The following ALK variants were observed in gnomAD, a reference collection of about 807,000 sequenced individuals.
ALK encodes ALK tyrosine kinase receptor.
In ALK, 74 loss-of-function variants were observed where a neutral mutation model predicts 163.1. The observed-to-expected ratio is 0.45, with a 90% CI of 0.38 to 0.55. The LOEUF is 0.55. Ranked by LOEUF, ALK falls within the 20% of genes least tolerant of loss-of-function variation. The probability of loss-of-function intolerance (pLI) is 0.00; values close to 1 mark genes in which losing one functional copy is unlikely to be tolerated. For missense variants in ALK, 2,063 were observed against 2,105.3 expected (o/e 0.98, Z 0.39); for synonymous variants, 960 against 843.2 (o/e 1.14, Z -2.40).
chr2:29,629,528 A>G (rs1391572606), intron 3 of ALK, among the ~76,000 whole-genome samples: 1 of 152,218 alleles, frequency 6.6e-6, no homozygotes, highest in Non-Finnish European at 1.5e-5. Flanking sequence ...GTTTAGAGGA[A>G]AATCTTGAAT....
chr2:29,350,031 A>G (rs745960856), intron 5 of ALK, among the ~76,000 whole-genome samples: 4 of 152,210 alleles, frequency 2.6e-5, no homozygotes, highest in Non-Finnish European at 4.4e-5. Context: ...AGCAAGAACC[A>G]TCTCTAGCAA....
At chr2:29,875,980 G>C (rs1302115645) in intron 1 of ALK, among the ~76,000 whole-genome samples, 1 of 152,094 alleles carries the variant, frequency 6.6e-6, no homozygotes, top group African/African-American at 2.4e-5. Context: ...GGTGTTTCTG[G>C]TTTCCCTGGC....
At chr2:29,830,949 AGAAGAAAAG>A (rs1665362173) in intron 1 of ALK, among the ~76,000 whole-genome samples, 1 of 50,584 alleles carries the variant, frequency 2.0e-5, no homozygotes, top group African/African-American at 6.6e-5. Context: ...GAAGAAAAGA[AGAAGAAAAG>A]AAGAAGAAGA....
At chr2:29,701,032 G>A (rs2631963) in intron 2 of ALK, among the ~76,000 whole-genome samples, 99,882 of 152,056 alleles carry the variant, frequency 0.66, 35,222 homozygotes, top group Non-Finnish European at 0.79. Context: ...CCATGTACCA[G>A]GCCGAGACAC....
chr2:29,861,791 A>G (rs1311681805), intron 1 of ALK, among the ~76,000 whole-genome samples: 1 of 152,182 alleles, frequency 6.6e-6, no homozygotes, highest in African/African-American at 2.4e-5. Flanking sequence ...ATGAGGCAAA[A>G]TTACCCTGAT....
intron 1 of ALK, among the ~76,000 whole-genome samples, chr2:29,857,170 A>G (rs1249455956): frequency 2.0e-5 from 3 of 152,198 alleles, no homozygotes; most frequent in Admixed American, 1.3e-4. Context: ...GGCAGGTGAC[A>G]CTAAGTTTTT....
intron 5 of ALK, among the ~76,000 whole-genome samples, chr2:29,362,703 T>C (rs1339212246): frequency 6.6e-6 from 1 of 152,226 alleles, no homozygotes; most frequent in Admixed American, 6.5e-5. Context: ...CACTATATTG[T>C]AGTCCCTTCT....
At chr2:29,770,668 A>T (rs1023957047) in intron 1 of ALK, among the ~76,000 whole-genome samples, 1 of 152,242 alleles carries the variant, frequency 6.6e-6, no homozygotes, top group Non-Finnish European at 1.5e-5. Context: ...AAAAATTATG[A>T]TAGCAAAACA....
intron 4 of ALK, among the ~76,000 whole-genome samples, chr2:29,411,799 C>A (rs1669731014): frequency 6.6e-6 from 1 of 152,208 alleles, no homozygotes; most frequent in Non-Finnish European, 1.5e-5. Flanking sequence ...TCATTCTCAT[C>A]CACACCCACG....
chr2:29,214,564 C>A (rs1267980563), intron 23 of ALK, among the ~76,000 whole-genome samples: 1 of 152,162 alleles, frequency 6.6e-6, no homozygotes, highest in Non-Finnish European at 1.5e-5. Flanking sequence ...TTTCTTCAAG[C>A]AGATCCAGCG....
At chr2:29,888,017 T>C (rs1667028884) in intron 1 of ALK, among the ~76,000 whole-genome samples, 2 of 152,178 alleles carry the variant, frequency 1.3e-5, no homozygotes, top group South Asian at 4.1e-4. Flanking sequence ...TTCTCTACCA[T>C]CCACTTTGAG....
chr2:29,367,799 C>T (rs1001767984), intron 5 of ALK, among the ~76,000 whole-genome samples: 1 of 152,212 alleles, frequency 6.6e-6, no homozygotes, highest in African/African-American at 2.4e-5. Flanking sequence ...AGAATCTAAG[C>T]TTATGCTACT....
intron 3 of ALK, among the ~76,000 whole-genome samples, chr2:29,546,692 G>A (rs2148171050): frequency 6.6e-6 from 1 of 152,308 alleles, no homozygotes; most frequent in East Asian, 1.9e-4. Context: ...CAGATGTCAA[G>A]GGATAAACAT....
chr2:29,610,544 C>T (rs1675663765), intron 3 of ALK, among the ~76,000 whole-genome samples: 1 of 152,092 alleles, frequency 6.6e-6, no homozygotes, highest in African/African-American at 2.4e-5. Flanking sequence ...TCCACTCACA[C>T]CAGCCAGCAA....
At chr2:29,665,026 G>GTT (rs1677472479) in intron 3 of ALK, among the ~76,000 whole-genome samples, 1 of 127,716 alleles carries the variant, frequency 7.8e-6, no homozygotes. Context: ...TTTGAGACCT[G>GTT]CTCTCACTGT....
intron 1 of ALK, among the ~76,000 whole-genome samples, chr2:29,787,286 C>T (rs747534859): frequency 5.3e-5 from 8 of 152,190 alleles, no homozygotes; most frequent in South Asian, 2.1e-4. Flanking sequence ...TTACTATGTC[C>T]GAGACACAGT....
At chr2:29,801,941 C>G (rs745590117) in intron 1 of ALK, among the ~76,000 whole-genome samples, 1 of 152,134 alleles carries the variant, frequency 6.6e-6, no homozygotes, top group Admixed American at 6.5e-5. Flanking sequence ...GAGTAAACAA[C>G]TTCTTAACCC....
At chr2:29,552,463 C>T (rs545279405) in intron 3 of ALK, among the ~76,000 whole-genome samples, 2 of 152,138 alleles carry the variant, frequency 1.3e-5, no homozygotes, top group South Asian at 4.1e-4. Context: ...TACATTCCCA[C>T]GAGCAATACA....
chr2:29,732,829 A>G (rs1679782820), intron 1 of ALK, among the ~76,000 whole-genome samples: 1 of 151,932 alleles, frequency 6.6e-6, no homozygotes, highest in South Asian at 2.1e-4. Context: ...TGGCACCTTG[A>G]TCTTGCACTT....
Sources: gnomAD v4.1 joint callset for allele counts (sites outside exome capture counted in the v4.1 genomes callset) on GRCh38, gnomAD v4.1.1 for gene constraint, MANE v1.5 for transcripts, NCBI Gene and HGNC (gene_info 2026-07-23, HGNC 2026-07-21) for gene names.